The following KCTD9 variants were observed in gnomAD, a reference collection of about 807,000 sequenced individuals.
KCTD9 encodes the protein potassium channel tetramerization domain containing 9, also known as BTB/POZ domain-containing protein KCTD9.
A neutral mutation model predicts 53.3 loss-of-function variants in KCTD9; 17 were observed. The ratio of observed to expected loss-of-function variants is 0.32; its 90% CI spans 0.22 to 0.48. KCTD9 has a LOEUF of 0.48. KCTD9 is among the 20% of genes least tolerant of loss of function. KCTD9 has a pLI of 0.99. For synonymous variants in KCTD9, 128 were observed against 162.7 expected, an observed-to-expected ratio of 0.79 and a Z score of 1.62; for missense variants, 179 against 465.5, an observed-to-expected ratio of 0.38 and a Z score of 5.66.
chr8:25,446,102 G>C, intron 2 of KCTD9, 27 bp downstream of exon 2: 3 of 1,609,734 alleles, frequency 1.9e-6, no homozygotes, highest in Non-Finnish European at 1.7e-6. Flanking sequence ...GCACACTGTT[G>C]ACAGCTTATA....
In KCTD9 at chr8:25,437,126, T is replaced by A. The variant is rs140818604; in HGVS notation, c.500-641A>T. Among the ~76,000 whole-genome samples the A allele has an allele frequency of 7.5e-3, 1,136 of 152,282 alleles. 6 individuals are homozygous for A. The highest frequency in any genetic ancestry group is 0.013 in the Non-Finnish European group (874 of 68,024). On this transcript the variant is annotated intron_variant, in intron 6 of 11. Coordinates refer to ENST00000221200, the MANE Select transcript of KCTD9 (RefSeq NM_017634.4). ...CAACAATCCAATTGTAAAACAAACG[T>A]CATCCAAGGTACAGCATCGGGCTAC...
chr8:25,445,451 C>G (rs377029836), intron 2 of KCTD9, among the ~76,000 whole-genome samples: 1 of 152,104 alleles, frequency 6.6e-6, no homozygotes, highest in Non-Finnish European at 1.5e-5. Context: ...ATAAAAAAAA[C>G]TCATGTTTTG....
chr8:25,443,110 C>T (rs961250479), intron 3 of KCTD9, among the ~76,000 whole-genome samples: 5 of 152,046 alleles, frequency 3.3e-5, no homozygotes, highest in Admixed American at 3.3e-4. Context: ...CTATAACATA[C>T]ATTATATACA....
Position 25,436,410 on chromosome 8 carries a change from A to G in KCTD9, c.567+8T>C, listed in dbSNP as rs770487778. ...ATGTAACACTGGCTAATGTAAAAAC[A>G]GGCTTACCTTTATTGCCACTTCTAG... On this transcript the variant is annotated splice_region_variant and intron_variant, in intron 7 of 11. Coordinates refer to ENST00000221200, the MANE Select transcript of KCTD9 (RefSeq NM_017634.4). 4 of 1,610,336 alleles carry G rather than the reference A, an allele frequency of 2.5e-6. No individual in the cohort carries two copies. Among genetic ancestry groups the G allele is most frequent in the Non-Finnish European group, 3.4e-6 (4 of 1,178,182 alleles).
chr8:25,434,190 C>G (rs1294218130), intron 9 of KCTD9, among the ~76,000 whole-genome samples: 2 of 152,174 alleles, frequency 1.3e-5, no homozygotes, highest in African/African-American at 4.8e-5. Flanking sequence ...ATCTCTGCCT[C>G]CCAAGTTCAA....
chr8:25,450,480 C>T (rs1802299661), intron 1 of KCTD9: 1 of 978,504 alleles, frequency 1.0e-6, no homozygotes, highest in South Asian at 4.7e-5. Flanking sequence ...AAGTCTCTTA[C>T]ACTGTCATTA....
chr8:25,446,301 C>T, intron 1 of KCTD9, 51 bp from the exon 2 acceptor site: 1 of 1,592,004 alleles, frequency 6.3e-7, no homozygotes, highest in Non-Finnish European at 8.6e-7. Context: ...CATGTTATCC[C>T]CCATAAGTTA....
At chr8:25,433,841 T>C (rs1386310580) in intron 9 of KCTD9, among the ~76,000 whole-genome samples, 1 of 152,200 alleles carries the variant, frequency 6.6e-6, no homozygotes, top group Non-Finnish European at 1.5e-5. Context: ...ATGGATTTTC[T>C]TATTACTGTA....
intron 4 of KCTD9, 75 bp downstream of exon 4, chr8:25,440,502 C>G: frequency 2.1e-6 from 2 of 962,926 alleles, no homozygotes; most frequent in Non-Finnish European, 3.4e-6. Flanking sequence ...TTAAGGAAAT[C>G]AGCAAATTGA....
chr8:25,438,511 A>T (rs905901612), intron 6 of KCTD9, among the ~76,000 whole-genome samples: 1 of 152,226 alleles, frequency 6.6e-6, no homozygotes, highest in African/African-American at 2.4e-5. Flanking sequence ...TTCTTTAAAA[A>T]CCAAGGTTCT....
Position 25,429,804 on chromosome 8 carries a change from G to A in KCTD9, c.*53C>T, listed in dbSNP as rs201992906. ...CAACTGAGTGGGTGGAGAAAGAAAA[G>A]TGATAAGGAAAACATTTTCATCTTT... On this transcript the variant is annotated 3_prime_UTR_variant, in exon 12 of 12. Coordinates refer to ENST00000221200, the MANE Select transcript of KCTD9 (RefSeq NM_017634.4). The A allele has an allele frequency of 3.5e-5, 31 of 889,260 alleles. No homozygotes were observed. The highest frequency in any genetic ancestry group is 5.9e-5 in the Non-Finnish European group (31 of 524,924). 55.1% of individuals were successfully genotyped at this position (889,260 alleles called of 1,614,324 possible).
chr8:25,432,135 T>C (rs1257478332), intron 11 of KCTD9, among the ~76,000 whole-genome samples: 1 of 152,178 alleles, frequency 6.6e-6, no homozygotes, highest in African/African-American at 2.4e-5. Context: ...GGCAAAATTA[T>C]AATCTCAAGC....
intron 6 of KCTD9, among the ~76,000 whole-genome samples, chr8:25,438,700 A>G (rs1802064690): frequency 6.6e-6 from 1 of 152,238 alleles, no homozygotes. Flanking sequence ...GGCTTTGTCT[A>G]CATCACCTCC....
chr8:25,451,920 A>G (rs1266527748), intron 1 of KCTD9, among the ~76,000 whole-genome samples: 1 of 152,224 alleles, frequency 6.6e-6, no homozygotes, highest in East Asian at 1.9e-4. Flanking sequence ...AAAGTATCAA[A>G]AACAATTTAC....
chr8:25,449,006 G>A (rs1241489082), intron 1 of KCTD9, among the ~76,000 whole-genome samples: 2 of 152,176 alleles, frequency 1.3e-5, no homozygotes, highest in Non-Finnish European at 2.9e-5. Flanking sequence ...GAGGTATTCT[G>A]TAATTGCATT....
chr8:25,436,562 G>A (rs745778368), intron 6 of KCTD9, 77 bp from the exon 7 acceptor site: 26 of 846,804 alleles, frequency 3.1e-5, no homozygotes, highest in Non-Finnish European at 4.0e-5. Context: ...ACTAAAATAC[G>A]ATTAGTTCAC....
Position 25,435,448 on chromosome 8 carries a change from G to T in KCTD9, c.728C>A (p.Ala243Asp). 1 of 1,611,924 alleles carries T rather than the reference G, an allele frequency of 6.2e-7. No homozygotes were observed. ...TGCAAGATTACAGCGGCTTAAATTGGCCATTTTGAAGTTAATGTATCGAAG... is the reference window on the plus strand; with the variant it reads ...TGCAAGATTACAGCGGCTTAAATTGTCCATTTTGAAGTTAATGTATCGAAG... Reference protein sequence around the residue: ...LDLRYINFKMANLSRCNLAHA... With the variant: ...LDLRYINFKMDNLSRCNLAHA... The change falls in exon 9 of 12, where the codon GCC (alanine) becomes GAC (aspartate). Residue 243 changes from alanine (A) to aspartate (D), a missense_variant. Ala to Asp is a moderately radical substitution (Grantham distance 126, BLOSUM62 -2). This residue lies in a region of KCTD9 where 32 missense variants were observed against 55.7 expected (regional missense o/e 0.57). Coordinates refer to ENST00000221200, the MANE Select transcript of KCTD9 (RefSeq NM_017634.4).
chr8:25,431,122 C>T (rs1234331218), intron 11 of KCTD9, among the ~76,000 whole-genome samples: 15 of 152,220 alleles, frequency 9.9e-5, no homozygotes, highest in East Asian at 1.9e-4. Context: ...TGAGCCACTG[C>T]GCCTGGCCCC....
chr8:25,444,723 G>A lies in KCTD9; in HGVS notation c.171-388C>T, dbSNP rs573269392. On this transcript the variant is annotated intron_variant, in intron 2 of 11. Transcript: ENST00000221200. ...ATCATCAGCTGTTGTGTGCTTTGGA[G>A]ATGAAATAAACTGTCATATTAAATC... Among the ~76,000 whole-genome samples the A allele has an allele frequency of 6.6e-5, 10 of 152,188 alleles. No homozygotes were observed. The East Asian group carries it at 1.9e-3, about 29-fold the overall frequency.
Sources: allele counts gnomAD v4.1 joint callset (sites outside exome capture counted in the v4.1 genomes callset), GRCh38; gene constraint gnomAD v4.1.1; regional missense constraint gnomAD v4.1.1; transcripts MANE v1.5; gene names NCBI Gene and HGNC (gene_info 2026-07-23, HGNC 2026-07-21).